Variants in SORBS2 observed in about 807,000 individuals in gnomAD.
SORBS2 encodes the protein sorbin and SH3 domain containing 2.
SORBS2 carries 46 observed loss-of-function variants against 97.7 expected under a neutral mutation model. The ratio of observed to expected loss-of-function variants is 0.47; its 90% CI spans 0.37 to 0.60. The LOEUF (loss-of-function observed/expected upper bound fraction) is 0.60. SORBS2 is among the 20% of genes least tolerant of loss of function. The probability of loss-of-function intolerance (pLI) is 0.00; values close to 1 mark genes in which losing one functional copy is unlikely to be tolerated. For missense variants in SORBS2, 1,316 were observed against 1,282.3 expected (o/e 1.03, Z -0.40); for synonymous variants, 476 against 473.4 (o/e 1.01, Z -0.07).
At chr4:185,597,565 G>T (rs2096137433) in intron 12 of SORBS2, among the ~76,000 whole-genome samples, 1 of 152,166 alleles carries the variant, frequency 6.6e-6, no homozygotes, top group South Asian at 2.1e-4. Context: ...CGATGTGCAC[G>T]CTATTGCATG....
At chr4:185,647,541 C>T (rs930434658) in intron 3 of SORBS2, among the ~76,000 whole-genome samples, 4 of 151,806 alleles carry the variant, frequency 2.6e-5, no homozygotes, top group African/African-American at 9.7e-5. Flanking sequence ...CTCAGCCTCC[C>T]AGGGGCCATG....
intron 1 of SORBS2, among the ~76,000 whole-genome samples, chr4:185,883,764 C>T (rs191606308): frequency 1.3e-5 from 2 of 152,206 alleles, no homozygotes; most frequent in Non-Finnish European, 2.9e-5. Context: ...TGGGAGGTCA[C>T]TTGAGCCCAG....
intron 1 of SORBS2, among the ~76,000 whole-genome samples, chr4:185,795,605 C>T (rs1230287271): frequency 6.6e-6 from 1 of 152,168 alleles, no homozygotes; most frequent in African/African-American, 2.4e-5. Context: ...ATTTTTTATA[C>T]TTGTTGAAAT....
chr4:185,689,236 G>A (rs2098041569), intron 2 of SORBS2, among the ~76,000 whole-genome samples: 1 of 152,180 alleles, frequency 6.6e-6, no homozygotes, highest in African/African-American at 2.4e-5. Context: ...AATACTGGGA[G>A]TTATGATCCA....
chr4:185,863,023 G>A (rs961759600), intron 1 of SORBS2, among the ~76,000 whole-genome samples: 2 of 152,168 alleles, frequency 1.3e-5, no homozygotes, highest in Non-Finnish European at 2.9e-5. Flanking sequence ...TGCACTGCAC[G>A]CCAGGCCAGT....
chr4:185,940,658 A>G (rs1053991708), intron 1 of SORBS2, among the ~76,000 whole-genome samples: 2 of 152,128 alleles, frequency 1.3e-5, no homozygotes, highest in Admixed American at 6.5e-5. Context: ...TCTTTGACAT[A>G]ATCTTACTCT....
chr4:185,924,973 C>T (rs1178215780), intron 1 of SORBS2, among the ~76,000 whole-genome samples: 1 of 152,108 alleles, frequency 6.6e-6, no homozygotes, highest in Non-Finnish European at 1.5e-5. Flanking sequence ...TTGTTCCCAC[C>T]CCAAAAATCA....
intron 4 of SORBS2, 39 bp from the exon 8 acceptor site, chr4:185,662,281 T>C (rs752086042): frequency 1.3e-6 from 2 of 1,556,038 alleles, no homozygotes; most frequent in South Asian, 1.2e-5. Context: ...AATTAGCACA[T>C]AGTTCCCTGT....
intron 2 of SORBS2, among the ~76,000 whole-genome samples, chr4:185,767,018 C>T (rs968701170): frequency 2.6e-5 from 4 of 151,810 alleles, no homozygotes; most frequent in Admixed American, 2.6e-4. Context: ...TTCGGTATGC[C>T]GACAGGTTAT....
intron 1 of SORBS2, among the ~76,000 whole-genome samples, chr4:185,833,913 A>G (rs979401045): frequency 4.6e-5 from 7 of 152,160 alleles, no homozygotes; most frequent in African/African-American, 1.7e-4. Flanking sequence ...TCCTCATTGG[A>G]CTGACAGCTC....
At chr4:185,865,613 C>G (rs1419641116) in intron 1 of SORBS2, among the ~76,000 whole-genome samples, 2 of 152,186 alleles carry the variant, frequency 1.3e-5, no homozygotes, top group Admixed American at 6.5e-5. Flanking sequence ...TCAAGAACAT[C>G]CTTCCTAAAG....
At chr4:185,664,269 T>C (rs1226761093) in intron 4 of SORBS2, among the ~76,000 whole-genome samples, 2 of 152,200 alleles carry the variant, frequency 1.3e-5, no homozygotes, top group Non-Finnish European at 2.9e-5. Context: ...GAAAAACATG[T>C]CATGAATAAT....
chr4:185,660,297 A>C (rs1187921979), upstream of SORBS2, among the ~76,000 whole-genome samples: 2 of 152,202 alleles, frequency 1.3e-5, no homozygotes. Flanking sequence ...TTTGGGAAAA[A>C]GCTGTGGCTA....
intron 2 of SORBS2, 67 bp downstream of exon 10, chr4:185,652,595 T>C (rs896756934): frequency 1.6e-6 from 2 of 1,238,198 alleles, no homozygotes; most frequent in Middle Eastern, 1.9e-4. Context: ...ATCAAACCGA[T>C]GCAAAAGACG....
At chr4:185,786,115 T>C (rs756935804) in intron 1 of SORBS2, among the ~76,000 whole-genome samples, 3 of 152,242 alleles carry the variant, frequency 2.0e-5, no homozygotes, top group Non-Finnish European at 4.4e-5. Flanking sequence ...TATCATTTAT[T>C]TCAGATAGCT....
intron 1 of SORBS2, among the ~76,000 whole-genome samples, chr4:185,877,016 GT>G (rs1414599851): frequency 1.3e-5 from 2 of 152,270 alleles, no homozygotes; most frequent in African/African-American, 4.8e-5. Flanking sequence ...TTGAAATGCA[GT>G]TTCTCTTGGA....
At chr4:185,692,601 G>GA (rs1485285952) in intron 2 of SORBS2, among the ~76,000 whole-genome samples, 1 of 152,032 alleles carries the variant, frequency 6.6e-6, no homozygotes, top group Non-Finnish European at 1.5e-5. Context: ...CATTACTGAT[G>GA]AAAAATTATA....
intron 2 of SORBS2, among the ~76,000 whole-genome samples, chr4:185,747,826 C>A (rs548278422): frequency 2.6e-5 from 4 of 152,220 alleles, no homozygotes; most frequent in African/African-American, 9.6e-5. Flanking sequence ...CCCGTCTCTA[C>A]CGAAAATACA....
chr4:185,734,655 A>G (rs1447913190), intron 2 of SORBS2, among the ~76,000 whole-genome samples: 1 of 152,182 alleles, frequency 6.6e-6, no homozygotes, highest in African/African-American at 2.4e-5. Context: ...TTGCTTTTCC[A>G]GTCCTTTCCA....
Sources: allele counts gnomAD v4.1 joint callset (sites outside exome capture counted in the v4.1 genomes callset), GRCh38; gene constraint gnomAD v4.1.1; transcripts MANE v1.5; gene names NCBI Gene and HGNC (gene_info 2026-07-23, HGNC 2026-07-21).